ZNF385B: variants seen among roughly 807,000 people sequenced by gnomAD.
The protein encoded by ZNF385B is zinc finger protein 385B, also known as zinc finger protein 533.
A neutral mutation model predicts 39.2 loss-of-function variants in ZNF385B; 23 were observed. The ratio of observed to expected loss-of-function variants is 0.59; its 90% confidence interval spans 0.42 to 0.83. The LOEUF (loss-of-function observed/expected upper bound fraction) is 0.83. Among genes scored for constraint, ZNF385B ranks in the 40% least tolerant of loss-of-function variants. ZNF385B has a pLI of 0.00. For missense variants in ZNF385B, 552 were observed against 598.9 expected (o/e 0.92, Z 0.82); for synonymous variants, 205 against 222.6 (o/e 0.92, Z 0.70).
intron 1 of ZNF385B, among the ~76,000 whole-genome samples, chr2:179,801,463 G>A (rs188941321): frequency 5.3e-5 from 8 of 152,100 alleles, no homozygotes; most frequent in South Asian, 4.1e-4. Flanking sequence ...ATTTGTTGGT[G>A]TACACATCCT....
intron 5 of ZNF385B, among the ~76,000 whole-genome samples, chr2:179,513,748 G>T (rs2057868148): frequency 6.6e-6 from 1 of 152,158 alleles, no homozygotes; most frequent in South Asian, 2.1e-4. Flanking sequence ...AAGATCATGT[G>T]GTTCATTTTA....
At chr2:179,664,185 ATTGT>A (rs146038650) in intron 3 of ZNF385B, among the ~76,000 whole-genome samples, 7,260 of 149,302 alleles carry the variant, frequency 0.049, 224 homozygotes, top group Middle Eastern at 0.077. Context: ...CTAAGAGTAG[ATTGT>A]TTAAACCACA....
Position 179,544,947 on chromosome 2 carries a change from G to C in ZNF385B, c.321C>G (p.Thr107=), listed in dbSNP as rs915808607. The C allele has an allele frequency of 3.1e-6, 5 of 1,613,886 alleles. No individual in the cohort carries two copies. In the Admixed American group the frequency reaches 8.3e-5, roughly 27 times the overall value. Residue 107 remains threonine (T), a synonymous_variant, in exon 4 of 10, where the codon ACC becomes ACG. Transcript: ENST00000410066. ...TAGGTGTGCGCACAAGAGCAGGAAG[G>C]GTAGTAGTGTGGCATGTACTGCCTG... is the stretch of plus-strand genomic sequence containing the variant. ...SSTGSTCHTT[T]LPALVRTPTL... is the part of the protein sequence containing the mutation.
intron 3 of ZNF385B, among the ~76,000 whole-genome samples, chr2:179,738,136 C>T (rs945524942): frequency 1.3e-4 from 20 of 152,166 alleles, no homozygotes; most frequent in African/African-American, 1.4e-4. Flanking sequence ...AAAAAAGGAA[C>T]GCCTTCATCT....
rs2049514502 is a variant in ZNF385B, at chr2:179,446,655, G to A, written c.831C>T (p.Pro277=). The A allele has an allele frequency of 1.2e-6, 2 of 1,613,968 alleles. No homozygotes were observed. The highest frequency in any genetic ancestry group is 1.7e-6 in the Non-Finnish European group (2 of 1,179,998). The change falls in exon 7 of 10, where the codon CCC becomes CCT. Residue 277 remains proline, a synonymous_variant. Coordinates refer to ENST00000410066, the MANE Select transcript of ZNF385B (RefSeq NM_152520.6). ...CGGGAGCTCCATTTGTGCTCTTGGA[G>A]GGAGAAGTGGCTGCTCCAGGTGGCA... is the stretch of plus-strand genomic sequence containing the variant. The part of the protein sequence containing the change: ...TPLPPGAATS[P]SKSTNGAPGT...
At chr2:179,445,330 A>T (rs1182500207) in intron 8 of ZNF385B, among the ~76,000 whole-genome samples, 1 of 152,144 alleles carries the variant, frequency 6.6e-6, no homozygotes, top group Non-Finnish European at 1.5e-5. Context: ...TATCTCTCCA[A>T]CATCTAGCCT....
intron 3 of ZNF385B, chr2:179,576,335 C>T (rs561870591): frequency 4.0e-6 from 1 of 251,462 alleles, no homozygotes; most frequent in African/African-American, 2.3e-5. Flanking sequence ...ATCCATTTGA[C>T]ACATATGTCC....
chr2:179,701,414 T>C (rs1024359941), intron 3 of ZNF385B, among the ~76,000 whole-genome samples: 3 of 152,240 alleles, frequency 2.0e-5, no homozygotes, highest in Non-Finnish European at 4.4e-5. Context: ...ATTTACAGTG[T>C]GCTAGAAACT....
Position 179,544,859 on chromosome 2 carries a change from AACT to A in ZNF385B, c.406_408del (p.Ser137del). 1 of 1,614,150 alleles carries A rather than the reference AACT, an allele frequency of 6.2e-7. No homozygotes were observed. The highest frequency in any genetic ancestry group is 8.5e-7 in the Non-Finnish European group (1 of 1,179,974). On this transcript the variant is annotated inframe_deletion, in exon 4 of 10. Transcript: ENST00000410066. The stretch of plus-strand genomic sequence containing the variant: ...AAATTTGGAAAGAGCCCAACAGCAG[AACT>A]ACTGTCCACTGGAAAAGACATAAAT...
intron 1 of ZNF385B, among the ~76,000 whole-genome samples, chr2:179,833,194 C>G (rs979235773): frequency 1.3e-4 from 20 of 151,890 alleles, no homozygotes; most frequent in African/African-American, 4.8e-4. Flanking sequence ...AATATTTGAC[C>G]AGATTTTTCA....
intron 3 of ZNF385B, among the ~76,000 whole-genome samples, chr2:179,631,008 CAG>C (rs1691153471): frequency 6.6e-6 from 1 of 152,088 alleles, no homozygotes; most frequent in Admixed American, 6.6e-5. Context: ...CTCCAAGAAA[CAG>C]GGGGCTATGT....
At chr2:179,543,844 A>G (rs2060069959) in intron 4 of ZNF385B, among the ~76,000 whole-genome samples, 1 of 152,158 alleles carries the variant, frequency 6.6e-6, no homozygotes, top group Non-Finnish European at 1.5e-5. Flanking sequence ...TTTATTGACA[A>G]TCCTTAAGGA....
At chr2:179,720,093 T>C (rs758104709) in intron 3 of ZNF385B, among the ~76,000 whole-genome samples, 6 of 152,282 alleles carry the variant, frequency 3.9e-5, no homozygotes, top group Admixed American at 1.3e-4. Flanking sequence ...ATAAGTATGT[T>C]CCTAAGGAAA....
intron 3 of ZNF385B, among the ~76,000 whole-genome samples, chr2:179,607,522 CT>C (rs1232076413): frequency 1.3e-5 from 2 of 152,166 alleles, no homozygotes; most frequent in Admixed American, 1.3e-4. Flanking sequence ...AATTAAACCT[CT>C]TTTCTTTATA....
At chr2:179,719,977 G>A (rs1439858427) in intron 3 of ZNF385B, among the ~76,000 whole-genome samples, 1 of 152,176 alleles carries the variant, frequency 6.6e-6, no homozygotes, top group Admixed American at 6.5e-5. Context: ...GTAATCAGAT[G>A]AGCTCCCAGG....
intron 3 of ZNF385B, among the ~76,000 whole-genome samples, chr2:179,552,985 A>G (rs1244875738): frequency 6.7e-6 from 1 of 149,232 alleles, no homozygotes; most frequent in Non-Finnish European, 1.5e-5. Context: ...ACTGAGGCAC[A>G]GAGAGATTAA....
In ZNF385B at chr2:179,691,243, G is replaced by T. The variant is rs143091055; in HGVS notation, c.298+78260C>A. On this transcript the variant is annotated intron_variant, in intron 3 of 9. Coordinates refer to ENST00000410066, the MANE Select transcript of ZNF385B (RefSeq NM_152520.6). ...CAGAACTTTCAAACCCTATGAAAACGAACTCAAAAGTTCATTTTCAAAATC... is the reference window on the plus strand; with the variant it reads ...CAGAACTTTCAAACCCTATGAAAACTAACTCAAAAGTTCATTTTCAAAATC... 4.4e-3 allele frequency among the ~76,000 whole-genome samples: 675 copies of T among 152,022 alleles called. 6 individuals are homozygous for T. The highest frequency in any genetic ancestry group is 0.014 in the African/African-American group (593 of 41,456).
At chr2:179,747,231 C>A (rs895562809) in intron 3 of ZNF385B, among the ~76,000 whole-genome samples, 1 of 152,130 alleles carries the variant, frequency 6.6e-6, no homozygotes, top group South Asian at 2.1e-4. Flanking sequence ...ACATTAAACA[C>A]AGCACTCTCA....
At chr2:179,475,179 C>T (rs1051315572) in intron 6 of ZNF385B, among the ~76,000 whole-genome samples, 1 of 151,940 alleles carries the variant, frequency 6.6e-6, no homozygotes, top group Admixed American at 6.6e-5. Context: ...TAAAAAGTCA[C>T]ATGCTGTTAC....
Sources: allele counts gnomAD v4.1 joint callset (sites outside exome capture counted in the v4.1 genomes callset), GRCh38; gene constraint gnomAD v4.1.1; transcripts MANE v1.5; gene names NCBI Gene and HGNC (gene_info 2026-07-23, HGNC 2026-07-21).